Variants in ANO2 observed in about 807,000 individuals in gnomAD.
The protein encoded by ANO2 is anoctamin 2.
In ANO2, 101 loss-of-function variants were observed where a neutral mutation model predicts 124.2. The observed-to-expected ratio is 0.81, with a 90% confidence interval of 0.69 to 0.96. The LOEUF (loss-of-function observed/expected upper bound fraction) is 0.96. Ranked by LOEUF, ANO2 falls within the 40% of genes least tolerant of loss-of-function variation. The probability of loss-of-function intolerance (pLI) is 0.00; values close to 1 mark genes in which losing one functional copy is unlikely to be tolerated. For missense variants in ANO2, 1,293 were observed against 1,274.5 expected, an observed-to-expected ratio of 1.01 and a Z score of -0.22; for synonymous variants, 486 against 482.5, an observed-to-expected ratio of 1.01 and a Z score of -0.09.
chr12:5,801,462 G>C (rs1455135572), intron 9 of ANO2, among the ~76,000 whole-genome samples: 2 of 152,196 alleles, frequency 1.3e-5, no homozygotes, highest in Non-Finnish European at 2.9e-5. Context: ...GAGGAAATCT[G>C]TCAAGGAGAA....
intron 16 of ANO2, among the ~76,000 whole-genome samples, chr12:5,625,584 G>A (rs1344539733): frequency 1.3e-5 from 2 of 151,982 alleles, no homozygotes; most frequent in African/African-American, 2.4e-5. Context: ...CTTCTCCTTG[G>A]CCCCTGTGAT....
chr12:5,944,394 A>G (rs1943012433), intron 1 of ANO2, among the ~76,000 whole-genome samples: 1 of 152,168 alleles, frequency 6.6e-6, no homozygotes, highest in Non-Finnish European at 1.5e-5. Context: ...ATCTGCTCAC[A>G]AAGTATCAGG....
intron 14 of ANO2, among the ~76,000 whole-genome samples, chr12:5,657,024 G>T (rs1048681917): frequency 6.6e-6 from 1 of 152,180 alleles, no homozygotes; most frequent in African/African-American, 2.4e-5. Context: ...ACACCACAGG[G>T]AACTGTGGAT....
chr12:5,667,466 A>G (rs1407046134), intron 14 of ANO2, among the ~76,000 whole-genome samples: 1 of 151,772 alleles, frequency 6.6e-6, no homozygotes, highest in Non-Finnish European at 1.5e-5. Flanking sequence ...AGCTTCTAGG[A>G]TTGTATAAGT....
At chr12:5,693,288 G>A (rs774075018) in intron 14 of ANO2, among the ~76,000 whole-genome samples, 15 of 152,122 alleles carry the variant, frequency 9.9e-5, no homozygotes, top group Non-Finnish European at 1.5e-4. Context: ...TTCCCTCACC[G>A]ATATTCTTCA....
At position 5,787,286 on chromosome 12, in the gene ANO2, C is replaced by T. The variant is rs559405691; in HGVS notation, c.1055+12221G>A. On this transcript the variant is annotated intron_variant, in intron 10 of 24. Coordinates refer to ENST00000682330, the MANE Select transcript of ANO2 (RefSeq NM_001364791.2). The surrounding 1 kb of genome is among the most constrained non-coding windows in gnomAD (Gnocchi z 4.2). ...CCAGCACCACCCACACACAGGCACT[C>T]ACATAAGCCAAACCTTTCAATGATG... Among the ~76,000 whole-genome samples, 1 of 152,190 alleles carries T rather than the reference C, an allele frequency of 6.6e-6. No homozygotes were observed. Among genetic ancestry groups the T allele is most frequent in the Non-Finnish European group, 1.5e-5 (1 of 68,034 alleles).
At chr12:5,588,888 T>C (rs1276618356) in intron 20 of ANO2, among the ~76,000 whole-genome samples, 4 of 152,186 alleles carry the variant, frequency 2.6e-5, no homozygotes. Context: ...AGGGAAATTA[T>C]ACGACGCCAT....
intron 3 of ANO2, among the ~76,000 whole-genome samples, chr12:5,901,445 C>T (rs1241419296): frequency 2.6e-5 from 4 of 152,262 alleles, no homozygotes; most frequent in African/African-American, 9.6e-5. Flanking sequence ...TTTGAGATGG[C>T]AGCAAGAAAG....
At chr12:5,807,280 T>C (rs1423582944) in intron 8 of ANO2, 33 bp downstream of exon 8, 20 of 1,542,214 alleles carry the variant, frequency 1.3e-5, no homozygotes, top group Non-Finnish European at 1.5e-5. Context: ...TTTTGAAGAC[T>C]ACAGAGAGCA....
At chr12:5,614,371 C>T (rs1263036684) in intron 17 of ANO2, among the ~76,000 whole-genome samples, 1 of 152,276 alleles carries the variant, frequency 6.6e-6, no homozygotes, top group East Asian at 1.9e-4. Flanking sequence ...GAAAGATCAA[C>T]CATGTTGGTT....
chr12:5,810,609 G>A (rs1953356119), intron 7 of ANO2, among the ~76,000 whole-genome samples: 1 of 152,166 alleles, frequency 6.6e-6, no homozygotes, highest in Non-Finnish European at 1.5e-5. Context: ...GGGAGACAGT[G>A]AGAAGAAGAA....
At chr12:5,919,888 A>G (rs758521312) in intron 3 of ANO2, among the ~76,000 whole-genome samples, 6 of 152,130 alleles carry the variant, frequency 3.9e-5, no homozygotes, top group South Asian at 2.1e-4. Flanking sequence ...TAGTAGAGAC[A>G]GGGTTTCACC....
chr12:5,686,903 C>T (rs1022302579), intron 14 of ANO2, among the ~76,000 whole-genome samples: 2 of 152,228 alleles, frequency 1.3e-5, no homozygotes, highest in African/African-American at 4.8e-5. Flanking sequence ...CTTAGTGCTT[C>T]TGGAAACCTG....
intron 3 of ANO2, among the ~76,000 whole-genome samples, chr12:5,887,159 T>G (rs189039203): frequency 2.2e-3 from 331 of 152,314 alleles, no homozygotes; most frequent in Middle Eastern, 6.8e-3. Flanking sequence ...AAAGTGATCA[T>G]AATTAAAACT....
At chr12:5,608,428 C>T (rs1245050032) in intron 19 of ANO2, among the ~76,000 whole-genome samples, 1 of 151,848 alleles carries the variant, frequency 6.6e-6, no homozygotes, top group African/African-American at 2.4e-5. Context: ...TTATGTTGTA[C>T]ACATCCTCTG....
rs1198388333 is a variant in ANO2, at chr12:5,563,398, A to C, written c.2898T>G (p.Gly966=). The part of the protein sequence containing the change: ...MDEPALRSPG[G]GDRSRSRAAS... ...CTGCCCGGCTCCTGCTTCGATCCCC[A>C]CCTCCTGGGCTCCTCAGAGCCGGCT... Residue 966 remains glycine, a synonymous_variant, in exon 25 of 25, where the codon GGT becomes GGG. Coordinates refer to ENST00000682330, the MANE Select transcript of ANO2 (RefSeq NM_001364791.2). 2.5e-6 allele frequency: 4 copies of C among 1,608,012 alleles called. No individual in the cohort carries two copies. The highest frequency in any genetic ancestry group is 3.4e-6 in the Non-Finnish European group (4 of 1,177,830).
chr12:5,818,820 C>T (rs1188430051), intron 7 of ANO2, among the ~76,000 whole-genome samples: 4 of 152,042 alleles, frequency 2.6e-5, no homozygotes, highest in Non-Finnish European at 5.9e-5. Flanking sequence ...ATACCTTTGA[C>T]CATATGCAGG....
chr12:5,716,234 G>A (rs4930749), intron 14 of ANO2, among the ~76,000 whole-genome samples: 31,702 of 152,140 alleles, frequency 0.21, 3,537 homozygotes, highest in Middle Eastern at 0.27. Context: ...GGGGGCAGGT[G>A]ATAAACTCCT....
At chr12:5,914,636 C>G (rs2136295853) in intron 3 of ANO2, among the ~76,000 whole-genome samples, 1 of 152,302 alleles carries the variant, frequency 6.6e-6, no homozygotes, top group South Asian at 2.1e-4. Flanking sequence ...GGTGGTCCCT[C>G]AATCTCAAGA....
Sources: allele counts gnomAD v4.1 joint callset (sites outside exome capture counted in the v4.1 genomes callset), GRCh38; gene constraint gnomAD v4.1.1; non-coding constraint Gnocchi (gnomAD v3.1); transcripts MANE v1.5; gene names NCBI Gene and HGNC (gene_info 2026-07-23, HGNC 2026-07-21).